The following KIAA1671 variants were observed in gnomAD, a reference collection of about 807,000 sequenced individuals.
KIAA1671 encodes the protein KIAA1671, also known as uncharacterized protein KIAA1671.
Under a neutral mutation model 131.2 loss-of-function variants are expected in KIAA1671, and 52 were observed. That is an observed-to-expected ratio of 0.40 (90% CI 0.32 to 0.50). The LOEUF (loss-of-function observed/expected upper bound fraction) is 0.50, where lower values mean the gene tolerates loss of function less well. Among genes scored for constraint, KIAA1671 ranks in the 20% least tolerant of loss-of-function variants. The pLI is 0.73. For missense variants in KIAA1671, 2,360 were observed against 2,364.2 expected, an observed-to-expected ratio of 1.00 and a Z score of 0.04; for synonymous variants, 1,003 against 961.6, an observed-to-expected ratio of 1.04 and a Z score of -0.80.
At chr22:25,148,147 C>T (rs1037028379) in intron 6 of KIAA1671, among the ~76,000 whole-genome samples, 2 of 151,974 alleles carry the variant, frequency 1.3e-5, no homozygotes, top group Admixed American at 6.6e-5. Context: ...AGTGTGGTCC[C>T]GGCACTCCCT....
intron 6 of KIAA1671, among the ~76,000 whole-genome samples, chr22:25,150,512 C>G (rs1302758585): frequency 1.3e-5 from 2 of 152,218 alleles, no homozygotes; most frequent in Non-Finnish European, 2.9e-5. Flanking sequence ...GCTGCCTGCA[C>G]TCTTTCGGGC....
At chr22:25,072,920 A>G (rs1177901999) in intron 6 of KIAA1671, among the ~76,000 whole-genome samples, 1 of 152,180 alleles carries the variant, frequency 6.6e-6, no homozygotes. Flanking sequence ...GTAGCTTCGC[A>G]TAGCTTGAAC....
At chr22:25,020,343 C>CA (rs1363261315) in intron 1 of KIAA1671, among the ~76,000 whole-genome samples, 1 of 152,158 alleles carries the variant, frequency 6.6e-6, no homozygotes, top group Non-Finnish European at 1.5e-5. Context: ...ATGTGGGTCT[C>CA]AAAAATGTTG....
At chr22:25,070,167 G>T (rs1477781539) in intron 6 of KIAA1671, 2 of 388,344 alleles carry the variant, frequency 5.2e-6, no homozygotes, top group East Asian at 7.3e-5. Flanking sequence ...ATAGGACCGA[G>T]TGGTGGCTTC....
chr22:25,161,849 G>T (rs1450247838), intron 6 of KIAA1671, among the ~76,000 whole-genome samples: 4 of 152,148 alleles, frequency 2.6e-5, no homozygotes, highest in Non-Finnish European at 4.4e-5. Context: ...AGGGAGTCAG[G>T]ACACTGGGTT....
intron 6 of KIAA1671, among the ~76,000 whole-genome samples, chr22:25,169,886 G>A (rs1402787766): frequency 1.3e-5 from 2 of 152,158 alleles, no homozygotes. Flanking sequence ...CACTTCGCTG[G>A]CTGTTTACTG....
intron 6 of KIAA1671, among the ~76,000 whole-genome samples, chr22:25,113,941 GGGGTT>G (rs1326173712): frequency 6.6e-6 from 1 of 152,130 alleles, no homozygotes; most frequent in Non-Finnish European, 1.5e-5. Context: ...CTCAGGGTAT[GGGGTT>G]GGTGACAGGC....
At chr22:25,174,078 T>G (rs1801385809) in intron 7 of KIAA1671, among the ~76,000 whole-genome samples, 162 bp from the exon 8 acceptor site, 1 of 152,202 alleles carries the variant, frequency 6.6e-6, no homozygotes, top group Non-Finnish European at 1.5e-5. Flanking sequence ...GCACATCTTG[T>G]GCTGTTTCCA....
At chr22:25,068,962 T>C (rs113548384) in intron 6 of KIAA1671, among the ~76,000 whole-genome samples, 6 of 152,302 alleles carry the variant, frequency 3.9e-5, no homozygotes, top group African/African-American at 9.6e-5. Context: ...GAGAAGGACC[T>C]TGCCTCAGAA....
chr22:25,151,011 T>G lies in KIAA1671; in HGVS notation c.4531-19809T>G, dbSNP rs1933019773. Among the ~76,000 whole-genome samples, 4 of 152,142 alleles carry G rather than the reference T, an allele frequency of 2.6e-5. No individual in the cohort carries two copies. The South Asian group carries it at 6.2e-4, about 24-fold the overall frequency. ...CCACGCCCGGCTAATTTTTTTTGTATTTTTAGTAGAGACGGGGTTTCACCG... is the reference window on the plus strand; with the variant it reads ...CCACGCCCGGCTAATTTTTTTTGTAGTTTTAGTAGAGACGGGGTTTCACCG... On this transcript the variant is annotated intron_variant, in intron 6 of 12. Coordinates refer to ENST00000358431, the MANE Select transcript of KIAA1671 (RefSeq NM_001145206.2).
intron 6 of KIAA1671, among the ~76,000 whole-genome samples, chr22:25,080,138 T>C (rs1929329380): frequency 6.6e-6 from 1 of 152,068 alleles, no homozygotes; most frequent in Admixed American, 6.5e-5. Context: ...TAGAGGGTCT[T>C]GGGGGCAGAT....
intron 12 of KIAA1671, among the ~76,000 whole-genome samples, chr22:25,191,565 T>TA (rs1934673586): frequency 6.6e-6 from 1 of 152,274 alleles, no homozygotes; most frequent in Admixed American, 6.5e-5. Context: ...GGCCCTGGTG[T>TA]AAGTTGCAAA....
In KIAA1671 at chr22:25,177,529, C is replaced by T. The variant is rs1388415545; in HGVS notation, c.5074+7C>T. 16 of 1,546,376 alleles carry T rather than the reference C, an allele frequency of 1.0e-5. No homozygotes were observed. The highest frequency in any genetic ancestry group is 1.3e-5 in the Non-Finnish European group (15 of 1,142,768). On this transcript the variant is annotated splice_region_variant and intron_variant, in intron 9 of 12. Coordinates refer to ENST00000358431, the MANE Select transcript of KIAA1671 (RefSeq NM_001145206.2). The stretch of plus-strand genomic sequence containing the variant: ...ATGTTCAAAGACTCAACGGGTATGC[C>T]ATGACTTCTCTCCTCCTCAGATAGC...
At chr22:25,110,866 G>C (rs1931296556) in intron 6 of KIAA1671, 1 of 152,360 alleles carries the variant, frequency 6.6e-6, no homozygotes, top group Admixed American at 6.5e-5. Flanking sequence ...GGACAGGGCA[G>C]ATGCTGTGCC....
At chr22:25,020,047 T>G (rs2123889592) in intron 1 of KIAA1671, among the ~76,000 whole-genome samples, 1 of 152,310 alleles carries the variant, frequency 6.6e-6, no homozygotes, top group South Asian at 2.1e-4. Context: ...TTGGATTACT[T>G]CCAGAGGATA....
At chr22:24,977,461 C>A (rs1425816246) in intron 1 of KIAA1671, among the ~76,000 whole-genome samples, 1 of 152,210 alleles carries the variant, frequency 6.6e-6, no homozygotes, top group East Asian at 1.9e-4. Context: ...CAGCTGCCTC[C>A]TGGTAGCAGC....
chr22:25,102,795 T>C (rs1018126489), intron 6 of KIAA1671: 1 of 152,620 alleles, frequency 6.6e-6, no homozygotes, highest in East Asian at 1.9e-4. Flanking sequence ...GTTGTTTTTT[T>C]TGTCACAACC....
At chr22:25,175,676 A>G (rs1568992636) in intron 8 of KIAA1671, 1 of 152,204 alleles carries the variant, frequency 6.6e-6, no homozygotes, top group African/African-American at 2.4e-5. Flanking sequence ...TAGAACGCTA[A>G]GTGGTTCCTT....
intron 6 of KIAA1671, among the ~76,000 whole-genome samples, chr22:25,093,287 C>T (rs1930111860): frequency 6.6e-6 from 1 of 152,102 alleles, no homozygotes; most frequent in Non-Finnish European, 1.5e-5. Flanking sequence ...TGCTTCACAG[C>T]CTAGGAACCA....
Sources: allele counts gnomAD v4.1 joint callset (sites outside exome capture counted in the v4.1 genomes callset), GRCh38; gene constraint gnomAD v4.1.1; transcripts MANE v1.5; gene names NCBI Gene and HGNC (gene_info 2026-07-23, HGNC 2026-07-21).